Variants in MCTP1 observed in about 807,000 individuals in gnomAD.
MCTP1 encodes multiple C2 and transmembrane domain containing 1.
Under a neutral mutation model 120.6 loss-of-function variants are expected in MCTP1, and 69 were observed. That is an observed-to-expected ratio of 0.57 (90% CI 0.47 to 0.70). The LOEUF (loss-of-function observed/expected upper bound fraction) is 0.70, where lower values mean the gene tolerates loss of function less well. Among genes scored for constraint, MCTP1 ranks in the 30% least tolerant of loss-of-function variants. The pLI is 0.00. For synonymous variants in MCTP1, 529 were observed against 493.1 expected (o/e 1.07, Z -0.96); for missense variants, 1,203 against 1,248.8 (o/e 0.96, Z 0.55).
intron 1 of MCTP1, among the ~76,000 whole-genome samples, chr5:95,217,586 G>A (rs903347302): frequency 1.3e-5 from 2 of 152,104 alleles, no homozygotes; most frequent in Non-Finnish European, 2.9e-5. Flanking sequence ...GACAACATTC[G>A]CTGTAATTAA....
intron 18 of MCTP1, among the ~76,000 whole-genome samples, chr5:94,781,728 C>T (rs574465519): frequency 6.6e-6 from 1 of 152,256 alleles, no homozygotes; most frequent in East Asian, 1.9e-4. Flanking sequence ...TCAAAGAGGT[C>T]TACAGAATCA....
rs57709394 is a variant in MCTP1, at chr5:94,898,952, C to T, written c.1653-4117G>A. ...AACTGTATGTTTACATTTGCTGCAT[C>T]TTCCTTTCTTTGCAATTCCACAAAT... On this transcript the variant is annotated intron_variant, in intron 10 of 22. Coordinates refer to ENST00000515393, the MANE Select transcript of MCTP1 (RefSeq NM_024717.7). 8.3e-3 allele frequency among the ~76,000 whole-genome samples: 1,259 copies of T among 152,298 alleles called. 90 individuals carry two copies. The East Asian group carries it at 0.19, about 23-fold the overall frequency.
chr5:95,274,077 C>A (rs757439273), intron 1 of MCTP1, among the ~76,000 whole-genome samples: 53 of 152,178 alleles, frequency 3.5e-4, no homozygotes, highest in Non-Finnish European at 6.3e-4. Context: ...TCAATTGCCT[C>A]CAGGGTTGGA....
intron 1 of MCTP1, among the ~76,000 whole-genome samples, chr5:95,189,984 C>T (rs545506250): frequency 6.6e-5 from 10 of 152,078 alleles, no homozygotes; most frequent in South Asian, 6.2e-4. Context: ...GCTTAATATC[C>T]GTACTTGGTG....
intron 17 of MCTP1, among the ~76,000 whole-genome samples, chr5:94,852,914 A>T (rs1794026248): frequency 1.3e-5 from 2 of 151,984 alleles, no homozygotes; most frequent in South Asian, 4.1e-4. Flanking sequence ...TTCTTTATAA[A>T]AGCTTCGTGA....
intron 19 of MCTP1, among the ~76,000 whole-genome samples, chr5:94,723,165 T>C (rs1366563163): frequency 6.6e-6 from 1 of 152,216 alleles, no homozygotes; most frequent in Non-Finnish European, 1.5e-5. Flanking sequence ...CTAAGTGTCT[T>C]ACTCAGTTCT....
intron 2 of MCTP1, among the ~76,000 whole-genome samples, chr5:94,997,149 A>G (rs749891775): frequency 6.6e-6 from 1 of 152,136 alleles, no homozygotes; most frequent in Non-Finnish European, 1.5e-5. Context: ...CCACACTTGC[A>G]TAGCCTCCCT....
chr5:94,750,174 A>G (rs1256890308), intron 19 of MCTP1, among the ~76,000 whole-genome samples: 4 of 152,236 alleles, frequency 2.6e-5, no homozygotes, highest in East Asian at 3.9e-4. Flanking sequence ...GCTATTGTTT[A>G]TGCCTAGGCA....
At chr5:94,976,468 T>C (rs1418392337) in intron 2 of MCTP1, among the ~76,000 whole-genome samples, 1 of 151,984 alleles carries the variant, frequency 6.6e-6, no homozygotes. Context: ...AATATATAAA[T>C]AAATAATAAA....
At chr5:95,079,758 A>G (rs1344433939) in intron 1 of MCTP1, among the ~76,000 whole-genome samples, 1 of 151,934 alleles carries the variant, frequency 6.6e-6, no homozygotes, top group African/African-American at 2.4e-5. Context: ...ATAAATGGTG[A>G]TCATGTTTTG....
chr5:95,210,549 A>G (rs1241998543), intron 1 of MCTP1, among the ~76,000 whole-genome samples: 3 of 146,152 alleles, frequency 2.1e-5, no homozygotes, highest in African/African-American at 7.6e-5. Flanking sequence ...CCATCCTTTT[A>G]TTTTGAGCCT....
chr5:95,082,567 A>T (rs1439358807), intron 1 of MCTP1, among the ~76,000 whole-genome samples: 2 of 152,214 alleles, frequency 1.3e-5, no homozygotes, highest in African/African-American at 2.4e-5. Context: ...AAGGTGAAGC[A>T]TATATGTAAT....
chr5:94,772,469 CCAAT>C (rs1200193823), intron 19 of MCTP1, among the ~76,000 whole-genome samples: 3 of 152,126 alleles, frequency 2.0e-5, no homozygotes, highest in Middle Eastern at 3.2e-3. Flanking sequence ...CACATTAGGC[CCAAT>C]CAGACAAACC....
chr5:94,782,121 A>G (rs767691670), intron 18 of MCTP1, among the ~76,000 whole-genome samples: 1 of 152,170 alleles, frequency 6.6e-6, no homozygotes, highest in Non-Finnish European at 1.5e-5. Flanking sequence ...TGAGGATCCA[A>G]TGAGATAATG....
chr5:94,745,720 T>C (rs866609789), intron 19 of MCTP1, among the ~76,000 whole-genome samples: 24 of 152,344 alleles, frequency 1.6e-4, no homozygotes, highest in Middle Eastern at 6.8e-3. Context: ...TAAGTACTCA[T>C]TGAAGAAAAA....
intron 1 of MCTP1, chr5:95,166,188 GC>G (rs1296981596): frequency 6.6e-6 from 1 of 152,140 alleles, no homozygotes; most frequent in Non-Finnish European, 1.5e-5. Context: ...TCGAGACCTG[GC>G]TTTTTGCACT....
intron 2 of MCTP1, among the ~76,000 whole-genome samples, chr5:95,001,181 G>A (rs553320522): frequency 2.6e-5 from 4 of 152,354 alleles, no homozygotes; most frequent in Admixed American, 2.0e-4. Context: ...CCCCAGCCAT[G>A]TGGAACTGTG....
chr5:94,714,448 A>AT lies in MCTP1; in HGVS notation c.2720+328dup, dbSNP rs1758346499. 4.4e-5 allele frequency among the ~76,000 whole-genome samples: 6 copies of AT among 137,172 alleles called. No individual in the cohort carries two copies. In the South Asian group the frequency reaches 1.3e-3, roughly 29 times the overall value. 90.0% of individuals were successfully genotyped at this position (137,172 alleles called of 152,430 possible). A position where few individuals can be genotyped will look rare whatever the true frequency, so the allele number is the denominator to read the frequency against. On this transcript the variant is annotated intron_variant, in intron 20 of 22. Coordinates refer to ENST00000515393, the MANE Select transcript of MCTP1 (RefSeq NM_024717.7). ...CTGAAGTCCTCATTTAGCTTGGTTT[A>AT]TTTTTTTCCTATCACAATTTCATAT...
At chr5:95,022,554 G>A (rs557253386) in intron 1 of MCTP1, among the ~76,000 whole-genome samples, 1 of 152,256 alleles carries the variant, frequency 6.6e-6, no homozygotes, top group Admixed American at 6.5e-5. Flanking sequence ...AATTGAAAAT[G>A]AATTATGCTA....
Sources: gnomAD v4.1 joint callset for allele counts (sites outside exome capture counted in the v4.1 genomes callset) on GRCh38, gnomAD v4.1.1 for gene constraint, MANE v1.5 for transcripts, NCBI Gene and HGNC (gene_info 2026-07-23, HGNC 2026-07-21) for gene names.